Variants in STMN1 observed in about 807,000 individuals in gnomAD.
STMN1 encodes stathmin 1.
STMN1 carries 3 observed loss-of-function variants against 19.7 expected under a neutral mutation model. That is an observed-to-expected ratio of 0.15 (90% CI 0.07 to 0.39). The LOEUF is 0.39. STMN1 is among the 10% of genes least tolerant of loss of function. The pLI is 1.00. For missense variants in STMN1, 99 were observed against 176.0 expected, an observed-to-expected ratio of 0.56 and a Z score of 2.48; for synonymous variants, 59 against 58.9, an observed-to-expected ratio of 1.00 and a Z score of -0.01.
At chr1:25,897,779 G>A (rs755313049), downstream of STMN1, among the ~76,000 whole-genome samples, 4 of 152,182 alleles carry the variant, frequency 2.6e-5, no homozygotes, top group Non-Finnish European at 4.4e-5. Context: ...CCTTGGGTAC[G>A]TTACTCTGCC....
At chr1:25,896,225 A>G (rs1261095258), downstream of STMN1, among the ~76,000 whole-genome samples, 1 of 152,196 alleles carries the variant, frequency 6.6e-6, no homozygotes, top group African/African-American at 2.4e-5. Flanking sequence ...CTTCTCGCCT[A>G]TGGAATGGCC....
intron 4 of STMN1, among the ~76,000 whole-genome samples, chr1:25,893,892 G>A (rs572161240): frequency 6.6e-6 from 1 of 152,320 alleles, no homozygotes; most frequent in Admixed American, 6.5e-5. Flanking sequence ...GAATGGTGAT[G>A]TCCCTGATAA....
At chr1:25,887,639 G>T in intron 4 of STMN1, 1 of 237,202 alleles carries the variant, frequency 4.2e-6, no homozygotes. Flanking sequence ...GGGGGATTTT[G>T]AAAATATAGA....
chr1:25,904,311 G>A (rs1290508152), intron 2 of STMN1, among the ~76,000 whole-genome samples: 1 of 152,082 alleles, frequency 6.6e-6, no homozygotes, highest in South Asian at 2.1e-4. Flanking sequence ...TGGGCAACAA[G>A]GTGAGACCCT....
chr1:25,888,464 AGG>A (rs1168463479), intron 4 of STMN1, among the ~76,000 whole-genome samples: 2 of 152,182 alleles, frequency 1.3e-5, no homozygotes, highest in Non-Finnish European at 2.9e-5. Flanking sequence ...GGTGCATAGT[AGG>A]TCCTCAATAA....
chr1:25,893,763 A>G (rs1051501745), intron 4 of STMN1, among the ~76,000 whole-genome samples: 4 of 152,016 alleles, frequency 2.6e-5, no homozygotes, highest in African/African-American at 9.7e-5. Flanking sequence ...CCGGTCTCAA[A>G]CTCCTGACCT....
Position 25,885,539 on chromosome 1 carries a change from C to T in STMN1, c.*184G>A, listed in dbSNP as rs1328496637. ...AAGGCAGGCATTTTCATTCTTGCTA[C>T]CTCCTCTTCACAGATGAGTAAACTG... On this transcript the variant is annotated 3_prime_UTR_variant, in exon 5 of 5. Coordinates refer to the STMN1 transcript ENST00000426559. The T allele has an allele frequency of 5.5e-6, 4 of 732,420 alleles. No homozygotes were observed. In the African/African-American group the frequency reaches 7.3e-5, roughly 13 times the overall value. The allele number at this position is 732,420 out of a possible 1,614,324, so 45.4% of individuals were successfully genotyped here. A position where few individuals can be genotyped will look rare whatever the true frequency, so the allele number is the denominator to read the frequency against.
downstream of STMN1, among the ~76,000 whole-genome samples, chr1:25,898,527 C>G (rs1416435153): frequency 6.6e-6 from 1 of 152,220 alleles, no homozygotes; most frequent in Non-Finnish European, 1.5e-5. Context: ...AGCGCAAAGG[C>G]CAGTGTGGAG....
chr1:25,893,975 A>C (rs1317851078), intron 4 of STMN1, among the ~76,000 whole-genome samples: 1 of 152,176 alleles, frequency 6.6e-6, no homozygotes, highest in Non-Finnish European at 1.5e-5. Context: ...CTTTGCTTCT[A>C]TTCCCTAAAC....
rs548540665 is a variant in STMN1, at chr1:25,900,210, G to A, written c.*806C>T. 9 of 985,846 alleles carry A rather than the reference G, an allele frequency of 9.1e-6. No individual in the cohort carries two copies. In the East Asian group the frequency reaches 6.8e-4, roughly 75 times the overall value. 61.1% of individuals were successfully genotyped at this position (985,846 alleles called of 1,614,324 possible). On this transcript the variant is annotated 3_prime_UTR_variant, in exon 5 of 5. Transcript: ENST00000455785. ...GATGAGGACATGCCCCACCTGTAAC[G>A]TAGAGCAAGCAAACCACCAAGTAGA...
chr1:25,888,771 C>T (rs2048745775), intron 4 of STMN1, among the ~76,000 whole-genome samples: 1 of 152,198 alleles, frequency 6.6e-6, no homozygotes, highest in Non-Finnish European at 1.5e-5. Context: ...TCCCAGCCAT[C>T]ATGTGACTTT....
At chr1:25,898,440 G>C (rs1306589851), downstream of STMN1, among the ~76,000 whole-genome samples, 3 of 152,230 alleles carry the variant, frequency 2.0e-5, no homozygotes, top group Non-Finnish European at 4.4e-5. Flanking sequence ...CCTCAGGTAA[G>C]TAAGCATTCT....
At chr1:25,891,918 G>C (rs1450984529) in intron 4 of STMN1, among the ~76,000 whole-genome samples, 1 of 152,190 alleles carries the variant, frequency 6.6e-6, no homozygotes, top group African/African-American at 2.4e-5. Flanking sequence ...TCAGCACTGG[G>C]CTCAATACTC....
At chr1:25,906,558 A>C (rs2048955545), upstream of STMN1, 1 of 152,186 alleles carries the variant, frequency 6.6e-6, no homozygotes. This position sits in a 1 kb window ranked among gnomAD's most constrained non-coding sequence, Gnocchi z 4.5. Flanking sequence ...GCCCCCCGGG[A>C]CCCCGAAGCA....
intron 4 of STMN1, among the ~76,000 whole-genome samples, chr1:25,891,829 GAA>G (rs2048778731): frequency 6.6e-6 from 1 of 152,120 alleles, no homozygotes; most frequent in South Asian, 2.1e-4. Context: ...CAATGAGGGG[GAA>G]ATGGCAGGCT....
chr1:25,885,747 C>T lies in STMN1; in HGVS notation c.501G>A (p.Trp167Ter), dbSNP rs756732184. Reference sequence around the variant, plus strand: ...CCTAGTGATGGTGAGAGAGATCAGACCAGGTAATCAATGCAGATTGGAGGC... The same window carrying T: ...CCTAGTGATGGTGAGAGAGATCAGATCAGGTAATCAATGCAGATTGGAGGC... The change falls in exon 5 of 5, where the codon TGG becomes TGA. Residue 167 changes from tryptophan (W) to a stop codon, truncating the protein, a stop_gained. Transcript: ENST00000426559. LOFTEE classifies it high-confidence loss of function. 3.2e-6 allele frequency: 5 copies of T among 1,551,442 alleles called. No homozygotes were observed. Among genetic ancestry groups the T allele is most frequent in the Non-Finnish European group, 4.4e-6 (5 of 1,146,914 alleles).
In STMN1 at chr1:25,900,440, A is replaced by T; in HGVS notation, c.*576T>A. On this transcript the variant is annotated 3_prime_UTR_variant, in exon 5 of 5. Coordinates refer to ENST00000455785, the MANE Select transcript of STMN1 (RefSeq NM_005563.4). ...CACACTGGGGCAAGAAACGGGGCAG[A>T]GAACGTGCGGTCATTTGTGCGTTGG... 5 of 985,898 alleles carry T rather than the reference A, an allele frequency of 5.1e-6. No individual in the cohort carries two copies. Among genetic ancestry groups the T allele is most frequent in the Non-Finnish European group, 4.8e-6 (4 of 829,980 alleles). 61.1% of individuals were successfully genotyped at this position (985,898 alleles called of 1,614,324 possible). A position where few individuals can be genotyped will look rare whatever the true frequency, so the allele number is the denominator to read the frequency against.
At chr1:25,896,903 G>T (rs559191048), downstream of STMN1, among the ~76,000 whole-genome samples, 8 of 152,196 alleles carry the variant, frequency 5.3e-5, no homozygotes, top group Non-Finnish European at 8.8e-5. Flanking sequence ...CTATGACATG[G>T]TCTCTGATCT....
downstream of STMN1, among the ~76,000 whole-genome samples, chr1:25,898,566 T>C (rs1489304060): frequency 2.0e-5 from 3 of 150,430 alleles, no homozygotes; most frequent in East Asian, 5.8e-4. Flanking sequence ...CAAATGTTAA[T>C]TTAAGGGCCT....
Sources: allele counts gnomAD v4.1 joint callset (sites outside exome capture counted in the v4.1 genomes callset), GRCh38; gene constraint gnomAD v4.1.1; non-coding constraint Gnocchi (gnomAD v3.1); transcripts MANE v1.5; gene names NCBI Gene and HGNC (gene_info 2026-07-23, HGNC 2026-07-21).